Variants in THADA observed in about 807,000 individuals in gnomAD.
The protein encoded by THADA is THADA armadillo repeat containing.
In THADA, 213 loss-of-function variants were observed where a neutral mutation model predicts 219.8. The ratio of observed to expected loss-of-function variants is 0.97; its 90% confidence interval spans 0.87 to 1.09. The LOEUF (loss-of-function observed/expected upper bound fraction) is 1.09. THADA is among the 50% of genes least tolerant of loss of function. The probability of loss-of-function intolerance (pLI) is 0.00; values close to 1 mark genes in which losing one functional copy is unlikely to be tolerated. For synonymous variants in THADA, 1,018 were observed against 828.9 expected, an observed-to-expected ratio of 1.23 and a Z score of -3.92; for missense variants, 2,956 against 2,311.3, an observed-to-expected ratio of 1.28 and a Z score of -5.72.
rs1325199473 is a variant in THADA, at chr2:43,485,271, C to A, written c.3799G>T (p.Val1267Phe). The stretch of plus-strand genomic sequence containing the variant: ...GAATGTTCATCCTTTGCCCTTTTAA[C>A]TCCAAAAATTCTTGTGATCAAGGCA... ...FSALITRIFG[V>F]KRAKDEHSKT... The change falls in exon 26 of 38, where the codon GTT becomes TTT. Residue 1267 changes from valine to phenylalanine, a missense_variant. Physicochemically the swap from Val to Phe is conservative, Grantham distance 50. Coordinates refer to ENST00000405975, the MANE Select transcript of THADA (RefSeq NM_022065.5). 2 of 1,613,142 alleles carry A rather than the reference C, an allele frequency of 1.2e-6. No individual in the cohort carries two copies.
At chr2:43,548,137 C>G (rs1229238531) in intron 20 of THADA, among the ~76,000 whole-genome samples, 1 of 152,204 alleles carries the variant, frequency 6.6e-6, no homozygotes, top group East Asian at 1.9e-4. Context: ...CCACTCCAGA[C>G]CCTGTTTGCC....
At chr2:43,421,175 T>C (rs965230548) in intron 28 of THADA, among the ~76,000 whole-genome samples, 3 of 152,234 alleles carry the variant, frequency 2.0e-5, no homozygotes, top group Non-Finnish European at 4.4e-5. Flanking sequence ...TGAGCAGCAC[T>C]GAACACCTGT....
chr2:43,401,411 T>G (rs778709081), intron 28 of THADA, among the ~76,000 whole-genome samples: 2 of 152,156 alleles, frequency 1.3e-5, no homozygotes, highest in Non-Finnish European at 2.9e-5. Context: ...CCCGAGTAGC[T>G]GGGATTACAG....
chr2:43,526,653 CCACA>C (rs2103720580), intron 22 of THADA, among the ~76,000 whole-genome samples: 1 of 152,314 alleles, frequency 6.6e-6, no homozygotes, highest in African/African-American at 2.4e-5. Flanking sequence ...CCACACACAT[CCACA>C]CACAGAGAGA....
At chr2:43,285,925 A>G (rs914978517) in intron 35 of THADA, among the ~76,000 whole-genome samples, 2 of 152,214 alleles carry the variant, frequency 1.3e-5, no homozygotes, top group Non-Finnish European at 2.9e-5. Context: ...GAATGCAACC[A>G]GCAGCCTATC....
chr2:43,483,373 C>G (rs1686479563), intron 26 of THADA, among the ~76,000 whole-genome samples: 1 of 152,116 alleles, frequency 6.6e-6, no homozygotes, highest in Admixed American at 6.5e-5. Flanking sequence ...CCATCACAAG[C>G]AACTGCAAAT....
At chr2:43,340,629 T>A (rs1666964085) in intron 30 of THADA, among the ~76,000 whole-genome samples, 1 of 152,242 alleles carries the variant, frequency 6.6e-6, no homozygotes, top group Non-Finnish European at 1.5e-5. Context: ...CATTTTTTTC[T>A]TTGCAAAAAC....
At chr2:43,432,993 AT>A (rs1364566657) in intron 26 of THADA, among the ~76,000 whole-genome samples, 3 of 152,052 alleles carry the variant, frequency 2.0e-5, no homozygotes, top group African/African-American at 4.8e-5. Flanking sequence ...TATTTAATCA[AT>A]TTTTTTCTTT....
intron 26 of THADA, among the ~76,000 whole-genome samples, chr2:43,473,594 T>C (rs1035291055): frequency 1.3e-5 from 2 of 152,190 alleles, no homozygotes; most frequent in African/African-American, 4.8e-5. Flanking sequence ...TATCACATTA[T>C]GGTACATAAT....
intron 22 of THADA, among the ~76,000 whole-genome samples, chr2:43,527,369 G>C (rs1231718632): frequency 6.6e-6 from 1 of 152,124 alleles, no homozygotes; most frequent in East Asian, 1.9e-4. Context: ...AATACATTTG[G>C]TTAAATATAT....
chr2:43,392,214 T>C (rs1232073199), intron 29 of THADA, among the ~76,000 whole-genome samples: 1 of 152,234 alleles, frequency 6.6e-6, no homozygotes, highest in Non-Finnish European at 1.5e-5. Context: ...ACATTAAAAT[T>C]CTTAAAGCAC....
Position 43,399,086 on chromosome 2 carries a change from C to T in THADA, c.4059-947G>A, listed in dbSNP as rs556783428. On this transcript the variant is annotated intron_variant, in intron 28 of 37. Transcript: ENST00000405975. ...ATAACCATTTTGCTGAAACTGTGCA[C>T]TTTAAAGCCTTCACAGATAGGAGAT... Among the ~76,000 whole-genome samples the T allele has an allele frequency of 2.0e-5, 3 of 152,308 alleles. No homozygotes were observed. The South Asian group carries it at 6.2e-4, about 32-fold the overall frequency.
chr2:43,329,436 C>T (rs78218855), intron 30 of THADA, among the ~76,000 whole-genome samples: 8,808 of 152,184 alleles, frequency 0.058, 345 homozygotes, highest in South Asian at 0.17. Flanking sequence ...GTCAATAGGA[C>T]CGTGGTCATG....
At chr2:43,586,494 G>A (rs1372826067) in intron 6 of THADA, 45 bp from the exon 7 acceptor site, 2 of 1,460,304 alleles carry the variant, frequency 1.4e-6, no homozygotes, top group Admixed American at 2.5e-5. Context: ...AAACTGTGAA[G>A]CTCAATTTCA....
At position 43,571,805 on chromosome 2, in the gene THADA, A is replaced by C. The variant is rs374808545; in HGVS notation, c.1966T>G (p.Ser656Ala). 11 of 1,613,980 alleles carry C rather than the reference A, an allele frequency of 6.8e-6. No individual in the cohort carries two copies. In the African/African-American group the frequency reaches 9.3e-5, roughly 14 times the overall value. ...TGAATCCACTGCATTTCTTCCATGG[A>C]AACAATTTCTGTGCTCCGATTACTT... ...CESNRSTEIV[S>A]MEEMQWIQFF... The change falls in exon 13 of 38, where the codon TCC becomes GCC. Residue 656 changes from serine (S) to alanine (A), a missense_variant. Coordinates refer to ENST00000405975, the MANE Select transcript of THADA (RefSeq NM_022065.5).
intron 28 of THADA, among the ~76,000 whole-genome samples, chr2:43,421,376 A>C (rs1677700194): frequency 6.6e-6 from 1 of 152,182 alleles, no homozygotes; most frequent in African/African-American, 2.4e-5. Flanking sequence ...CCCTTCTCTG[A>C]ACCTCATGGA....
intron 31 of THADA, among the ~76,000 whole-genome samples, chr2:43,296,284 T>C (rs1485813163): frequency 6.6e-6 from 1 of 151,144 alleles, no homozygotes. Context: ...TTTATTTTTT[T>C]ATTTTTTTGG....
At chr2:43,341,502 C>A (rs1667055839) in intron 30 of THADA, among the ~76,000 whole-genome samples, 1 of 152,172 alleles carries the variant, frequency 6.6e-6, no homozygotes. Flanking sequence ...TCAGGCACTG[C>A]ACAACATGAA....
At chr2:43,415,409 C>T (rs755035403) in intron 28 of THADA, among the ~76,000 whole-genome samples, 79 of 152,060 alleles carry the variant, frequency 5.2e-4, no homozygotes, top group Non-Finnish European at 8.7e-4. Flanking sequence ...TGGCATCATT[C>T]CTAGGGAAAA....
Sources: allele counts gnomAD v4.1 joint callset (sites outside exome capture counted in the v4.1 genomes callset), GRCh38; gene constraint gnomAD v4.1.1; transcripts MANE v1.5; gene names NCBI Gene and HGNC (gene_info 2026-07-23, HGNC 2026-07-21).